ABLIM3: variants seen among roughly 807,000 people sequenced by gnomAD.
ABLIM3 encodes the protein actin-binding LIM protein 3.
A neutral mutation model predicts 109.5 loss-of-function variants in ABLIM3; 61 were observed. The observed-to-expected ratio is 0.56, with a 90% CI of 0.45 to 0.69. The LOEUF is 0.69. ABLIM3 is among the 30% of genes least tolerant of loss of function. ABLIM3 has a pLI of 0.00. For synonymous variants in ABLIM3, 300 were observed against 324.8 expected (o/e 0.92, Z 0.82); for missense variants, 796 against 889.5 (o/e 0.89, Z 1.34).
At chr5:149,250,189 T>C (rs190756654) in intron 19 of ABLIM3, among the ~76,000 whole-genome samples, 4 of 152,182 alleles carry the variant, frequency 2.6e-5, no homozygotes, top group Admixed American at 2.0e-4. Flanking sequence ...CACAAGAAGA[T>C]AGAGATGTGC....
At chr5:149,153,716 T>C (rs957887965) in intron 2 of ABLIM3, among the ~76,000 whole-genome samples, 4 of 152,214 alleles carry the variant, frequency 2.6e-5, no homozygotes, top group African/African-American at 7.2e-5. Flanking sequence ...GCCAGGCAGC[T>C]CCACATGTTG....
At chr5:149,209,411 CAG>C in intron 6 of ABLIM3, among the ~76,000 whole-genome samples, 1 of 152,344 alleles carries the variant, frequency 6.6e-6, no homozygotes, top group Middle Eastern at 3.4e-3. Context: ...CTCCACTGCT[CAG>C]AGTCTCAGTT....
At chr5:149,160,857 G>T (rs1297865164) in intron 2 of ABLIM3, among the ~76,000 whole-genome samples, 4 of 152,236 alleles carry the variant, frequency 2.6e-5, no homozygotes, top group Admixed American at 6.5e-5. Flanking sequence ...TAACATGGGG[G>T]AATTGTCCTC....
intron 2 of ABLIM3, among the ~76,000 whole-genome samples, chr5:149,170,261 T>TCTCTCC (rs1755273029): frequency 6.6e-6 from 1 of 150,906 alleles, no homozygotes; most frequent in Admixed American, 6.6e-5. Context: ...TCTCTCTCTC[T>TCTCTCC]CTCCTTCTCC....
intron 5 of ABLIM3, among the ~76,000 whole-genome samples, chr5:149,202,949 GC>G (rs1209530921): frequency 6.6e-6 from 1 of 151,828 alleles, no homozygotes; most frequent in African/African-American, 2.4e-5. Flanking sequence ...AGAATCAGCA[GC>G]AGTCTCAGCA....
chr5:149,162,901 C>A (rs369375355), intron 2 of ABLIM3, among the ~76,000 whole-genome samples: 16 of 152,344 alleles, frequency 1.1e-4, no homozygotes, highest in Admixed American at 9.8e-4. Context: ...CCCAGCTGAA[C>A]AGGAAGCATC....
intron 8 of ABLIM3, among the ~76,000 whole-genome samples, chr5:149,223,510 T>C (rs2127535108): frequency 6.6e-6 from 1 of 152,314 alleles, no homozygotes; most frequent in East Asian, 1.9e-4. Context: ...AAAAGAAGAT[T>C]GATCAGCTCA....
chr5:149,147,801 C>CA (rs955051833), intron 2 of ABLIM3, among the ~76,000 whole-genome samples: 10 of 151,870 alleles, frequency 6.6e-5, no homozygotes, highest in African/African-American at 2.4e-4. Flanking sequence ...GTCTCATGAG[C>CA]AAAAAATGAA....
At chr5:149,147,515 GT>G (rs1300983415) in intron 2 of ABLIM3, among the ~76,000 whole-genome samples, 1 of 152,090 alleles carries the variant, frequency 6.6e-6, no homozygotes, top group Non-Finnish European at 1.5e-5. Flanking sequence ...ATATTAGCCT[GT>G]CATTTTCTTT....
chr5:149,259,390 C>T lies in ABLIM3; in HGVS notation c.*986C>T, dbSNP rs1018115532. 2 of 1,479,230 alleles carry T rather than the reference C, an allele frequency of 1.4e-6. No homozygotes were observed. The highest frequency in any genetic ancestry group is 1.8e-6 in the Non-Finnish European group (2 of 1,118,072). The allele number at this position is 1,479,230 out of a possible 1,614,324, so 91.6% of individuals were successfully genotyped here. Reference sequence around the variant, plus strand: ...CCCACCAGAGCTCCAACTGAACAACCAGACAGACAACTCTCATCATCCTCC... The same window carrying T: ...CCCACCAGAGCTCCAACTGAACAACTAGACAGACAACTCTCATCATCCTCC... On this transcript the variant is annotated 3_prime_UTR_variant, in exon 24 of 24. Transcript: ENST00000309868.
At position 149,226,790 on chromosome 5, in the gene ABLIM3, G is replaced by C. The variant is rs1163572796; in HGVS notation, c.758-3859G>C. Among the ~76,000 whole-genome samples the C allele has an allele frequency of 2.0e-5, 3 of 152,158 alleles. No homozygotes were observed. The East Asian group carries it at 5.8e-4, about 29-fold the overall frequency. On this transcript the variant is annotated intron_variant, in intron 8 of 23. Coordinates refer to ENST00000309868, the MANE Select transcript of ABLIM3 (RefSeq NM_014945.5). The stretch of plus-strand genomic sequence containing the variant: ...TGGCATTAAAAAACAAAAAGCATTG[G>C]CCGGGCATGGTGGCTCATCCCTGTA...
At chr5:149,193,690 A>G (rs1477106477) in intron 3 of ABLIM3, among the ~76,000 whole-genome samples, 2 of 152,204 alleles carry the variant, frequency 1.3e-5, no homozygotes, top group African/African-American at 4.8e-5. Context: ...GGCCTGTCCT[A>G]CCAGATATCA....
At chr5:149,188,106 C>T (rs900202010) in intron 3 of ABLIM3, among the ~76,000 whole-genome samples, 1 of 152,164 alleles carries the variant, frequency 6.6e-6, no homozygotes, top group Admixed American at 6.5e-5. Flanking sequence ...AGATCAAAAA[C>T]AAGACAAGAA....
intron 3 of ABLIM3, among the ~76,000 whole-genome samples, chr5:149,196,668 A>C (rs771870507): frequency 2.0e-5 from 3 of 152,210 alleles, no homozygotes; most frequent in Non-Finnish European, 4.4e-5. Flanking sequence ...TCTGATTGCT[A>C]ATCAGGCCCC....
At chr5:149,154,342 A>G (rs1168820077) in intron 2 of ABLIM3, among the ~76,000 whole-genome samples, 1 of 152,238 alleles carries the variant, frequency 6.6e-6, no homozygotes, top group African/African-American at 2.4e-5. Flanking sequence ...TGTTAGCATT[A>G]TATGGTGCAG....
At chr5:149,251,984 G>A (rs1322674434) in intron 21 of ABLIM3, among the ~76,000 whole-genome samples, 2 of 152,160 alleles carry the variant, frequency 1.3e-5, no homozygotes, top group Admixed American at 6.5e-5. Flanking sequence ...ACCATCTCAA[G>A]ATCAGCCCAA....
At chr5:149,230,505 G>T in intron 8 of ABLIM3, 144 bp from the exon 9 acceptor site, 1 of 780,508 alleles carries the variant, frequency 1.3e-6, no homozygotes, top group African/African-American at 1.7e-5. Flanking sequence ...GAGGTGCCAG[G>T]AGGGAGCTGG....
intron 2 of ABLIM3, among the ~76,000 whole-genome samples, chr5:149,160,837 G>A (rs892214215): frequency 2.0e-5 from 3 of 152,200 alleles, no homozygotes; most frequent in African/African-American, 7.2e-5. Flanking sequence ...GTACACACAG[G>A]CTAACTGTCT....
intron 6 of ABLIM3, among the ~76,000 whole-genome samples, chr5:149,208,350 G>GTCTCTCTCTCTC (rs10564662): frequency 1.5e-5 from 2 of 132,200 alleles, no homozygotes; most frequent in Admixed American, 7.5e-5. Context: ...CTATCTTTTT[G>GTCTCTCTCTCTC]TCTCTCTCTC....
Sources: gnomAD v4.1 joint callset for allele counts (sites outside exome capture counted in the v4.1 genomes callset) on GRCh38, gnomAD v4.1.1 for gene constraint, MANE v1.5 for transcripts, NCBI Gene and HGNC (gene_info 2026-07-23, HGNC 2026-07-21) for gene names.